CR1L: variants seen among roughly 807,000 people sequenced by gnomAD.
CR1L encodes complement component receptor 1-like protein.
Under a neutral mutation model 62.3 loss-of-function variants are expected in CR1L, and 59 were observed. The observed-to-expected ratio is 0.95, with a 90% confidence interval of 0.77 to 1.18. CR1L has a LOEUF of 1.18. Ranked by LOEUF, CR1L falls within the 50% of genes most tolerant of loss-of-function variation. The probability of loss-of-function intolerance (pLI) is 0.00; values close to 1 mark genes in which losing one functional copy is unlikely to be tolerated. For missense variants in CR1L, 700 were observed against 702.8 expected, an observed-to-expected ratio of 1.00 and a Z score of 0.04; for synonymous variants, 279 against 248.7, an observed-to-expected ratio of 1.12 and a Z score of -1.15.
intron 1 of CR1L, among the ~76,000 whole-genome samples, chr1:207,650,392 G>A (rs1663203691): frequency 6.6e-6 from 1 of 152,156 alleles, no homozygotes; most frequent in South Asian, 2.1e-4. Flanking sequence ...AGGGCAGAGT[G>A]ATCAGTAGCT....
chr1:207,658,047 T>C (rs1663345427), intron 1 of CR1L, among the ~76,000 whole-genome samples: 1 of 152,086 alleles, frequency 6.6e-6, no homozygotes, highest in Non-Finnish European at 1.5e-5. Flanking sequence ...ATAAAAATAG[T>C]AGTCAGCCGG....
intron 10 of CR1L, chr1:207,710,364 T>TG (rs1664334168): frequency 1.5e-6 from 2 of 1,364,836 alleles, no homozygotes; most frequent in South Asian, 1.2e-5. Context: ...TTGGTGAACT[T>TG]GCGGTCTCTT....
At chr1:207,665,062 G>GA (rs1663494078) in intron 1 of CR1L, among the ~76,000 whole-genome samples, 1 of 151,228 alleles carries the variant, frequency 6.6e-6, no homozygotes, top group Admixed American at 6.6e-5. Flanking sequence ...CATTTTTTTG[G>GA]TTTTTTTTTG....
intron 1 of CR1L, chr1:207,652,549 G>A (rs894804940): frequency 2.4e-5 from 36 of 1,506,802 alleles, no homozygotes; most frequent in Non-Finnish European, 3.1e-5. Flanking sequence ...ATCCCTAGAT[G>A]CCTATGAGGA....
At chr1:207,703,580 A>AGATG (rs1250534791) in intron 9 of CR1L, among the ~76,000 whole-genome samples, 1 of 152,246 alleles carries the variant, frequency 6.6e-6, no homozygotes, top group East Asian at 1.9e-4. Context: ...ATGGACAAGG[A>AGATG]GATGCATGTA....
At chr1:207,657,315 G>A in intron 1 of CR1L, 1 of 1,118,504 alleles carries the variant, frequency 8.9e-7, no homozygotes, top group Non-Finnish European at 1.4e-6. Flanking sequence ...GCTCCAGAGT[G>A]TAAAAGTCAC....
intron 1 of CR1L, among the ~76,000 whole-genome samples, chr1:207,650,725 G>T (rs1462924726): frequency 1.3e-5 from 2 of 151,950 alleles, no homozygotes; most frequent in Admixed American, 6.6e-5. Context: ...GTGTACATTA[G>T]TTAATTTTTT....
chr1:207,691,513 C>G (rs1438493873), intron 4 of CR1L, among the ~76,000 whole-genome samples: 1 of 151,894 alleles, frequency 6.6e-6, no homozygotes, highest in Non-Finnish European at 1.5e-5. Context: ...TAAATTTAAT[C>G]TAGTTACTGA....
chr1:207,694,220 A>G, intron 4 of CR1L, 133 bp from the exon 5 acceptor site: 2 of 1,140,988 alleles, frequency 1.8e-6, no homozygotes, highest in Non-Finnish European at 2.5e-6. Context: ...CCAAAATTAC[A>G]ACTTTGTAAA....
At chr1:207,661,259 T>C (rs1188592518) in intron 1 of CR1L, among the ~76,000 whole-genome samples, 3 of 152,180 alleles carry the variant, frequency 2.0e-5, no homozygotes, top group African/African-American at 7.2e-5. Flanking sequence ...AACTCTCCCA[T>C]TATTATTGTG....
intron 1 of CR1L, among the ~76,000 whole-genome samples, chr1:207,660,160 A>G (rs1488103085): frequency 3.3e-5 from 5 of 152,248 alleles, no homozygotes; most frequent in East Asian, 3.8e-4. Context: ...ACAGCTCTGA[A>G]GAGAGCAGTG....
chr1:207,655,816 C>T (rs573387618), intron 1 of CR1L, among the ~76,000 whole-genome samples: 1 of 152,250 alleles, frequency 6.6e-6, no homozygotes, highest in South Asian at 2.1e-4. Context: ...TTTTCCAAAA[C>T]AAAATAAAAT....
At chr1:207,682,161 GATTA>G (rs1394970677) in intron 3 of CR1L, among the ~76,000 whole-genome samples, 1 of 151,866 alleles carries the variant, frequency 6.6e-6, no homozygotes, top group African/African-American at 2.4e-5. Context: ...TTAATTAATT[GATTA>G]ATTAATTTTA....
intron 5 of CR1L, 112 bp downstream of exon 5, chr1:207,694,863 C>A (rs1167966929): frequency 6.5e-6 from 10 of 1,548,984 alleles, no homozygotes; most frequent in Non-Finnish European, 7.8e-6. Context: ...GGTCGAGAAG[C>A]AAATTTTCTA....
In CR1L at chr1:207,723,686, C is replaced by G. The variant is rs1654189815; in HGVS notation, c.*1C>G. ...TGCTGAGGAATTCTGTCATCTTTAACAGTAAGTACCTACTTATAATGAATG... is the reference window on the plus strand; with the variant it reads ...TGCTGAGGAATTCTGTCATCTTTAAGAGTAAGTACCTACTTATAATGAATG... On this transcript the variant is annotated 3_prime_UTR_variant, in exon 12 of 12. Coordinates refer to ENST00000508064, the MANE Select transcript of CR1L (RefSeq NM_175710.2). 2 of 1,556,518 alleles carry G rather than the reference C, an allele frequency of 1.3e-6. No individual in the cohort carries two copies. Among genetic ancestry groups the G allele is most frequent in the Admixed American group, 1.8e-5 (1 of 55,144 alleles).
chr1:207,711,177 T>C (rs1664351552), intron 10 of CR1L, among the ~76,000 whole-genome samples: 1 of 152,198 alleles, frequency 6.6e-6, no homozygotes, highest in Non-Finnish European at 1.5e-5. Flanking sequence ...CTTGTGTTTT[T>C]GATGGCTCAT....
At chr1:207,669,681 G>A (rs1663580295) in intron 1 of CR1L, 2 of 630,112 alleles carry the variant, frequency 3.2e-6, no homozygotes, top group East Asian at 3.0e-5. Context: ...TCCAAAGGCA[G>A]CGCGATGGGT....
At chr1:207,652,550 C>T (rs746684190) in intron 1 of CR1L, 117 of 1,511,942 alleles carry the variant, frequency 7.7e-5, no homozygotes, top group Non-Finnish European at 1.0e-4. Context: ...TCCCTAGATG[C>T]CTATGAGGAG....
chr1:207,653,977 A>G (rs1313999187), intron 1 of CR1L, among the ~76,000 whole-genome samples: 1 of 152,194 alleles, frequency 6.6e-6, no homozygotes, highest in Non-Finnish European at 1.5e-5. Context: ...AAGACAAAGC[A>G]CAAGGGAGGG....
Sources: gnomAD v4.1 joint callset for allele counts (sites outside exome capture counted in the v4.1 genomes callset) on GRCh38, gnomAD v4.1.1 for gene constraint, MANE v1.5 for transcripts, NCBI Gene and HGNC (gene_info 2026-07-23, HGNC 2026-07-21) for gene names.